Variants in LRRC7 observed in about 807,000 individuals in gnomAD.
LRRC7 encodes leucine-rich repeat-containing protein 7.
A neutral mutation model predicts 175.7 loss-of-function variants in LRRC7; 23 were observed. The observed-to-expected ratio is 0.13, with a 90% CI of 0.09 to 0.19. The LOEUF (loss-of-function observed/expected upper bound fraction) is 0.19, where lower values mean the gene tolerates loss of function less well. LRRC7 is among the 10% of genes least tolerant of loss of function. The pLI is 1.00. For missense variants in LRRC7, 1,354 were observed against 1,904.7 expected (o/e 0.71, Z 5.38); for synonymous variants, 685 against 680.9 (o/e 1.01, Z -0.09).
chr1:69,948,774 G>C (rs1167133401), intron 8 of LRRC7, among the ~76,000 whole-genome samples: 1 of 152,098 alleles, frequency 6.6e-6, no homozygotes, highest in Non-Finnish European at 1.5e-5. Flanking sequence ...GATTCTTAAG[G>C]CCTAAAGCTT....
At chr1:69,931,206 T>C (rs1647335653) in intron 7 of LRRC7, among the ~76,000 whole-genome samples, 2 of 152,174 alleles carry the variant, frequency 1.3e-5, no homozygotes, top group African/African-American at 2.4e-5. Flanking sequence ...CTTAAAAATA[T>C]TGAAGTGGGG....
At position 69,852,181 on chromosome 1, in the gene LRRC7, A is replaced by G. The variant is rs1683063119; in HGVS notation, c.647+13898A>G. On this transcript the variant is annotated intron_variant, in intron 7 of 26. Coordinates refer to ENST00000651989, the MANE Select transcript of LRRC7 (RefSeq NM_001370785.2). ...TCTCGATGGGAGCATTTTTCACATT[A>G]TGTTGAATTTGTTGTCTACGTGTAT... 2.0e-5 allele frequency among the ~76,000 whole-genome samples: 3 copies of G among 151,966 alleles called. 1 individual carries two copies. In the South Asian group the frequency reaches 6.2e-4, roughly 32 times the overall value.
chr1:69,609,422 C>CAT (rs1364240028), intron 1 of LRRC7, among the ~76,000 whole-genome samples: 3 of 151,142 alleles, frequency 2.0e-5, no homozygotes, highest in Non-Finnish European at 4.4e-5. Context: ...TAATTTTTTT[C>CAT]ATATATATAC....
Position 69,619,943 on chromosome 1 carries a change from CAA to C in LRRC7, c.2+51303_2+51304del, listed in dbSNP as rs1283344819. Among the ~76,000 whole-genome samples the C allele has an allele frequency of 3.7e-5, 5 of 134,884 alleles. No homozygotes were observed. The South Asian group carries it at 1.1e-3, about 30-fold the overall frequency. 88.5% of individuals were successfully genotyped at this position (134,884 alleles called of 152,430 possible). The stretch of plus-strand genomic sequence containing the variant: ...GATAGAGTCATGGATTTTAATATAA[CAA>C]TATAAAAAGTTCATTGCTTTGATTG... On this transcript the variant is annotated intron_variant, in intron 1 of 26. Coordinates refer to ENST00000651989, the MANE Select transcript of LRRC7 (RefSeq NM_001370785.2).
chr1:69,752,183 G>T (rs956376781), intron 2 of LRRC7, among the ~76,000 whole-genome samples: 3 of 152,084 alleles, frequency 2.0e-5, no homozygotes, highest in Non-Finnish European at 4.4e-5. Context: ...TTGAGGGTAG[G>T]TAATGATTTT....
intron 2 of LRRC7, among the ~76,000 whole-genome samples, chr1:69,726,576 A>G (rs1191709504): frequency 6.6e-6 from 1 of 152,142 alleles, no homozygotes; most frequent in Non-Finnish European, 1.5e-5. Context: ...TGTTTCTGAA[A>G]TGAAGAACAG....
chr1:70,131,447 GTCTT>G lies in LRRC7; in HGVS notation c.*9564_*9567del, dbSNP rs1413497711. On this transcript the variant is annotated 3_prime_UTR_variant, in exon 27 of 27. Transcript: ENST00000651989. ...GCTTTCTCACAAAACTATTTCCCAT[GTCTT>G]TCTATTTGGGTTTCATAGCTAAGTA... Among the ~76,000 whole-genome samples the G allele has an allele frequency of 6.6e-6, 1 of 152,094 alleles. No individual in the cohort carries two copies. The highest frequency in any genetic ancestry group is 2.4e-5 in the African/African-American group (1 of 41,432).
chr1:69,842,877 C>T (rs559668703), intron 7 of LRRC7, among the ~76,000 whole-genome samples: 1 of 152,116 alleles, frequency 6.6e-6, no homozygotes, highest in East Asian at 1.9e-4. Flanking sequence ...GACTATTTTG[C>T]CTTTTATGTA....
intron 1 of LRRC7, among the ~76,000 whole-genome samples, chr1:69,603,517 T>C (rs1647165627): frequency 6.6e-6 from 1 of 152,218 alleles, no homozygotes; most frequent in Non-Finnish European, 1.5e-5. Context: ...TTTCTACATA[T>C]ACTGTAATTC....
At chr1:69,723,590 A>G (rs1448655743) in intron 2 of LRRC7, among the ~76,000 whole-genome samples, 1 of 152,198 alleles carries the variant, frequency 6.6e-6, no homozygotes, top group East Asian at 1.9e-4. Flanking sequence ...TTCATATGAT[A>G]TTAGAGACTC....
intron 7 of LRRC7, among the ~76,000 whole-genome samples, chr1:69,864,662 C>T (rs1684719846): frequency 1.3e-5 from 2 of 152,146 alleles, no homozygotes; most frequent in African/African-American, 4.8e-5. Flanking sequence ...AGACAATTTG[C>T]AGTGATGACA....
chr1:70,012,806 A>G, intron 12 of LRRC7, among the ~76,000 whole-genome samples, 168 bp from the exon 13 acceptor site: 1 of 151,200 alleles, frequency 6.6e-6, no homozygotes, highest in South Asian at 2.1e-4. Flanking sequence ...AAAATAATAT[A>G]TATAATATAC....
intron 25 of LRRC7, among the ~76,000 whole-genome samples, chr1:70,092,061 A>G (rs539792124): frequency 1.3e-5 from 2 of 152,268 alleles, no homozygotes; most frequent in South Asian, 4.1e-4. Context: ...ATAAGAATTC[A>G]GTCCACTCAC....
At chr1:70,096,439 AG>A (rs1664403186) in intron 25 of LRRC7, among the ~76,000 whole-genome samples, 1 of 152,210 alleles carries the variant, frequency 6.6e-6, no homozygotes, top group Non-Finnish European at 1.5e-5. Context: ...TTCCATTAAA[AG>A]GGACTATCAT....
intron 1 of LRRC7, 105 bp downstream of exon 1, chr1:69,568,746 G>T (rs1645604390): frequency 3.9e-6 from 3 of 775,982 alleles, no homozygotes; most frequent in African/African-American, 3.9e-5. Context: ...CCGGGGGCGG[G>T]GGTGGCAGGG....
rs1665388545 is a variant in LRRC7 at position 69,716,699 on chromosome 1, CA to C, written c.100+38222del. Among the ~76,000 whole-genome samples, 5 of 151,800 alleles carry C rather than the reference CA, an allele frequency of 3.3e-5. No individual in the cohort carries two copies. The South Asian group carries it at 1.0e-3, about 32-fold the overall frequency. ...ATTCAAGGTGATATCAAATGAAATCCAGGCACAAAGCGGGAGCTTTGCATTT... is the reference window on the plus strand; with the variant it reads ...ATTCAAGGTGATATCAAATGAAATCCGGCACAAAGCGGGAGCTTTGCATTT... On this transcript the variant is annotated intron_variant, in intron 2 of 26. Transcript: ENST00000651989.
chr1:69,812,959 G>T (rs1392800602), intron 4 of LRRC7, among the ~76,000 whole-genome samples: 1 of 152,048 alleles, frequency 6.6e-6, no homozygotes, highest in African/African-American at 2.4e-5. Context: ...AGTTTCCATT[G>T]TTTTCCTAGC....
chr1:69,909,564 A>G (rs939898775), intron 7 of LRRC7, among the ~76,000 whole-genome samples: 11 of 152,106 alleles, frequency 7.2e-5, no homozygotes, highest in African/African-American at 2.7e-4. Flanking sequence ...TTCTGGGTTG[A>G]AAATTCTTTT....
At chr1:70,035,928 A>G (rs1468289546) in intron 18 of LRRC7, among the ~76,000 whole-genome samples, 193 bp from the exon 19 acceptor site, 1 of 148,994 alleles carries the variant, frequency 6.7e-6, no homozygotes, top group Non-Finnish European at 1.5e-5. Flanking sequence ...GAATAAATGG[A>G]CTCACTTACA....
Sources: gnomAD v4.1 joint callset for allele counts (sites outside exome capture counted in the v4.1 genomes callset) on GRCh38, gnomAD v4.1.1 for gene constraint, MANE v1.5 for transcripts, NCBI Gene and HGNC (gene_info 2026-07-23, HGNC 2026-07-21) for gene names.